CELF5: variants seen among roughly 807,000 people sequenced by gnomAD.
CELF5 encodes CUGBP Elav-like family member 5.
A neutral mutation model predicts 54.9 loss-of-function variants in CELF5; 6 were observed. The ratio of observed to expected loss-of-function variants is 0.11; its 90% CI spans 0.06 to 0.22. The LOEUF is 0.22. Among genes scored for constraint, CELF5 ranks in the 10% least tolerant of loss-of-function variants. The pLI is 1.00. For missense variants in CELF5, 401 were observed against 678.6 expected (o/e 0.59, Z 4.54); for synonymous variants, 271 against 290.9 (o/e 0.93, Z 0.70).
chr19:3,244,501 CTGTG>C (rs2079534728), intron 1 of CELF5, among the ~76,000 whole-genome samples: 1 of 126,998 alleles, frequency 7.9e-6, no homozygotes, highest in African/African-American at 3.1e-5. Context: ...GTGCATGCAT[CTGTG>C]TGGTGTGCAT....
At chr19:3,237,966 G>A (rs1051036200) in intron 1 of CELF5, among the ~76,000 whole-genome samples, 1 of 152,014 alleles carries the variant, frequency 6.6e-6, no homozygotes, top group African/African-American at 2.4e-5. Flanking sequence ...GGAGAATGGC[G>A]TGAACCCAGG....
intron 4 of CELF5, among the ~76,000 whole-genome samples, chr19:3,277,135 G>C (rs914501971): frequency 6.6e-6 from 1 of 152,122 alleles, no homozygotes; most frequent in East Asian, 1.9e-4. Context: ...TACCTTACTA[G>C]AACTGAATGT....
rs115362595 is a variant in CELF5 at position 3,254,702 on chromosome 19, C to T, written c.342+3635C>T. On this transcript the variant is annotated intron_variant, in intron 2 of 12. Transcript: ENST00000292672. The stretch of plus-strand genomic sequence containing the variant: ...AGCCACACACCCATCCATTCACCCA[C>T]ACATCCATCCATCTACCATTCATCC... 4.7e-3 allele frequency among the ~76,000 whole-genome samples: 718 copies of T among 151,864 alleles called. 9 individuals carry two copies. The highest frequency in any genetic ancestry group is 0.016 in the African/African-American group (659 of 41,396).
chr19:3,267,841 C>T (rs896397987), intron 2 of CELF5, among the ~76,000 whole-genome samples: 3 of 152,156 alleles, frequency 2.0e-5, no homozygotes, highest in Admixed American at 2.0e-4. Flanking sequence ...GGACCCCTAC[C>T]TCCCCTGCTT....
Position 3,290,328 on chromosome 19 carries a change from C to T in CELF5, c.1284C>T (p.Ser428=). 1 of 1,614,094 alleles carries T rather than the reference C, an allele frequency of 6.2e-7. No individual in the cohort carries two copies. Among genetic ancestry groups the T allele is most frequent in the Non-Finnish European group, 8.5e-7 (1 of 1,179,984 alleles). Residue 428 remains serine (S), a synonymous_variant, in exon 11 of 13, where the codon TCC becomes TCT. Transcript: ENST00000292672. ...TCCTACCCTTCGGCAATATCATTTC[C>T]TCCAAGGTGTTTATGGATCGAGCTA... ...QMFLPFGNII[S]SKVFMDRATN...
intron 2 of CELF5, among the ~76,000 whole-genome samples, chr19:3,267,213 C>G (rs1262042838): frequency 6.6e-6 from 1 of 152,136 alleles, no homozygotes; most frequent in African/African-American, 2.4e-5. Context: ...CTTCTACCCC[C>G]TCATCCTGGC....
Position 3,281,166 on chromosome 19 carries a change from C to G in CELF5, c.604-33C>G. On this transcript the variant is annotated intron_variant, in intron 5 of 12. Coordinates refer to ENST00000292672, the MANE Select transcript of CELF5 (RefSeq NM_021938.4). This position sits in a 1 kb window ranked among gnomAD's most constrained non-coding sequence, Gnocchi z 6.5. ...CCAGAGTCCTGGCTACCTCCCAGCC[C>G]GTTTCCCTCCCTGCTCGCCGCTGCC... The G allele has an allele frequency of 6.3e-7, 1 of 1,592,540 alleles. No individual in the cohort carries two copies. The highest frequency in any genetic ancestry group is 8.5e-7 in the Non-Finnish European group (1 of 1,172,000).
chr19:3,239,935 T>C (rs1265039133), intron 1 of CELF5, among the ~76,000 whole-genome samples: 2 of 151,396 alleles, frequency 1.3e-5, no homozygotes, highest in Non-Finnish European at 2.9e-5. Flanking sequence ...GCCCTTGACA[T>C]CAGTCCAGCA....
chr19:3,233,907 T>C (rs1019865736), intron 1 of CELF5, among the ~76,000 whole-genome samples: 2 of 152,216 alleles, frequency 1.3e-5, no homozygotes, highest in Non-Finnish European at 1.5e-5. Context: ...TGTCAGGAAG[T>C]TCTGCCACTA....
intron 1 of CELF5, among the ~76,000 whole-genome samples, chr19:3,242,030 C>A (rs901700948): frequency 6.6e-6 from 1 of 152,130 alleles, no homozygotes; most frequent in African/African-American, 2.4e-5. Context: ...CTGCCTTGGC[C>A]TCGCAAAATG....
chr19:3,291,907 G>A (rs2080355452), intron 11 of CELF5, among the ~76,000 whole-genome samples: 1 of 151,240 alleles, frequency 6.6e-6, no homozygotes. Context: ...GAAAGAGGTA[G>A]AAGAACCTGG....
At chr19:3,245,796 G>T (rs1170158438) in intron 1 of CELF5, among the ~76,000 whole-genome samples, 1 of 152,174 alleles carries the variant, frequency 6.6e-6, no homozygotes, top group Non-Finnish European at 1.5e-5. Flanking sequence ...CATAGACTCT[G>T]TGAAGAGCTC....
chr19:3,250,867 CTA>C, intron 1 of CELF5, 116 bp from the exon 2 acceptor site: 1 of 679,134 alleles, frequency 1.5e-6, no homozygotes, highest in South Asian at 1.8e-5. Context: ...TTGTGTAGAT[CTA>C]TGCATCTGTG....
intron 11 of CELF5, among the ~76,000 whole-genome samples, chr19:3,292,420 A>C (rs2080367033): frequency 6.7e-6 from 1 of 149,610 alleles, no homozygotes; most frequent in African/African-American, 2.5e-5. Context: ...AGTAGCTGGG[A>C]TTACGGGTGG....
At chr19:3,269,091 A>C (rs1040596922) in intron 2 of CELF5, among the ~76,000 whole-genome samples, 3 of 152,040 alleles carry the variant, frequency 2.0e-5, no homozygotes, top group Non-Finnish European at 4.4e-5. Flanking sequence ...GAGGAAGGTC[A>C]ATGGGTGTCT....
chr19:3,284,815 T>C, intron 8 of CELF5, 87 bp from the exon 9 acceptor site: 1 of 1,150,262 alleles, frequency 8.7e-7, no homozygotes, highest in Non-Finnish European at 1.3e-6. Context: ...GGGGTGTTTG[T>C]TGCTGTCCTT....
intron 1 of CELF5, among the ~76,000 whole-genome samples, chr19:3,237,554 G>C (rs1410721326): frequency 6.6e-6 from 1 of 152,074 alleles, no homozygotes; most frequent in Non-Finnish European, 1.5e-5. Context: ...GGCGCGGGTG[G>C]GAGTGTCTCT....
At chr19:3,267,337 C>T (rs2079897795) in intron 2 of CELF5, among the ~76,000 whole-genome samples, 1 of 152,044 alleles carries the variant, frequency 6.6e-6, no homozygotes, top group African/African-American at 2.4e-5. Context: ...CCATGGGGGA[C>T]GTAGTTTAAT....
chr19:3,250,033 G>T (rs565768639), intron 1 of CELF5, among the ~76,000 whole-genome samples: 9 of 152,108 alleles, frequency 5.9e-5, no homozygotes, highest in Admixed American at 5.2e-4. Flanking sequence ...CACCCTTTGC[G>T]GGGGTGTATG....
Sources: allele counts gnomAD v4.1 joint callset (sites outside exome capture counted in the v4.1 genomes callset), GRCh38; gene constraint gnomAD v4.1.1; non-coding constraint Gnocchi (gnomAD v3.1); transcripts MANE v1.5; gene names NCBI Gene and HGNC (gene_info 2026-07-23, HGNC 2026-07-21).